Variants in CBFA2T3 observed in about 807,000 individuals in gnomAD.
The protein encoded by CBFA2T3 is CBFA2/RUNX1 partner transcriptional co-repressor 3.
A neutral mutation model predicts 58.6 loss-of-function variants in CBFA2T3; 31 were observed. The observed-to-expected ratio is 0.53, with a 90% CI of 0.40 to 0.71. The LOEUF is 0.71. CBFA2T3 is among the 30% of genes least tolerant of loss of function. The pLI is 0.00. For missense variants in CBFA2T3, 1,076 were observed against 963.1 expected, an observed-to-expected ratio of 1.12 and a Z score of -1.55; for synonymous variants, 531 against 421.9, an observed-to-expected ratio of 1.26 and a Z score of -3.17.
chr16:88,916,340 G>A (rs761233054), intron 1 of CBFA2T3, among the ~76,000 whole-genome samples: 2 of 152,022 alleles, frequency 1.3e-5, no homozygotes, highest in African/African-American at 2.4e-5. Flanking sequence ...TCATGTGTGT[G>A]CATGGGTGTG....
At chr16:88,879,124 G>A (rs1309860221) in intron 11 of CBFA2T3, 146 bp downstream of exon 11, 8 of 677,036 alleles carry the variant, frequency 1.2e-5, no homozygotes, top group African/African-American at 1.8e-5. Context: ...AAAGCACAGT[G>A]TGGGCGGGGA....
At chr16:88,896,322 G>T (rs55776646) in intron 3 of CBFA2T3, among the ~76,000 whole-genome samples, 1 of 152,188 alleles carries the variant, frequency 6.6e-6, no homozygotes, top group African/African-American at 2.4e-5. Flanking sequence ...ACCTGCACAG[G>T]GGGTAGCCTG....
intron 1 of CBFA2T3, among the ~76,000 whole-genome samples, chr16:88,902,173 A>G (rs1398596001): frequency 6.6e-6 from 1 of 152,130 alleles, no homozygotes; most frequent in East Asian, 1.9e-4. Flanking sequence ...TTCCACTTTC[A>G]GATGCTAGAA....
chr16:88,973,708 G>A (rs927203770), intron 1 of CBFA2T3, among the ~76,000 whole-genome samples: 4 of 152,194 alleles, frequency 2.6e-5, no homozygotes, highest in Non-Finnish European at 4.4e-5. Context: ...GGGGATGGAG[G>A]ATGGAGAGTG....
intron 10 of CBFA2T3, chr16:88,879,676 T>TG: frequency 1.9e-6 from 1 of 531,786 alleles, no homozygotes; most frequent in Non-Finnish European, 3.4e-6. Context: ...CCCTCATGCC[T>TG]GTGCAGACAA....
chr16:88,976,083 T>C (rs190940704), intron 1 of CBFA2T3, among the ~76,000 whole-genome samples: 1 of 152,328 alleles, frequency 6.6e-6, no homozygotes, highest in Non-Finnish European at 1.5e-5. Flanking sequence ...CCTGCTGGAC[T>C]GGACCCCTCC....
At chr16:88,954,409 C>G (rs5028129) in intron 1 of CBFA2T3, among the ~76,000 whole-genome samples, 1,948 of 80,652 alleles carry the variant, frequency 0.024, 15 homozygotes, top group Middle Eastern at 0.12. Context: ...ACCCAAGACT[C>G]CTGACCCCAC....
intron 1 of CBFA2T3, among the ~76,000 whole-genome samples, chr16:88,948,142 C>A (rs1228785384): frequency 6.6e-6 from 1 of 152,222 alleles, no homozygotes; most frequent in East Asian, 1.9e-4. Context: ...TCCTAACCAT[C>A]TCACTGTGAC....
At position 88,881,487 on chromosome 16, in the gene CBFA2T3, G is replaced by C. The variant is rs1969078201; in HGVS notation, c.1206C>G (p.Leu402=). 6.2e-7 allele frequency: 1 copy of C among 1,600,672 alleles called. No individual in the cohort carries two copies. The highest frequency in any genetic ancestry group is 8.5e-7 in the Non-Finnish European group (1 of 1,171,420). Residue 402 remains leucine, a splice_region_variant and synonymous_variant, in exon 9 of 12, where the codon CTC becomes CTG. Coordinates refer to ENST00000268679, the MANE Select transcript of CBFA2T3 (RefSeq NM_005187.6). Reference sequence around the variant, plus strand: ...CCACCATGTCCATGATGCAGTTCAGGAGCTGGGGGCGGGCGGCGCAGCCTT... The same window carrying C: ...CCACCATGTCCATGATGCAGTTCAGCAGCTGGGGGCGGGCGGCGCAGCCTT... ...WAEEWKHLNN[L]LNCIMDMVEK... is the part of the protein sequence containing the mutation.
At chr16:88,942,449 T>G (rs993795801) in intron 1 of CBFA2T3, among the ~76,000 whole-genome samples, 2 of 152,238 alleles carry the variant, frequency 1.3e-5, no homozygotes, top group East Asian at 3.9e-4. Flanking sequence ...CAATCCCCAA[T>G]ATAAAAATAT....
chr16:88,914,059 T>C (rs1970610790), intron 1 of CBFA2T3, among the ~76,000 whole-genome samples: 2 of 152,120 alleles, frequency 1.3e-5, no homozygotes. Context: ...AGCACGGCCA[T>C]ACAATGGAAT....
At chr16:88,927,706 T>A (rs1300434930) in intron 1 of CBFA2T3, among the ~76,000 whole-genome samples, 1 of 152,130 alleles carries the variant, frequency 6.6e-6, no homozygotes, top group African/African-American at 2.4e-5. Flanking sequence ...ATGATCCCCC[T>A]TCCGCCTCCT....
chr16:88,948,475 C>T (rs947452451), intron 1 of CBFA2T3, among the ~76,000 whole-genome samples: 1 of 152,192 alleles, frequency 6.6e-6, no homozygotes, highest in Admixed American at 6.5e-5. Context: ...CTGGTGTGGG[C>T]ACCAGATGAC....
chr16:88,945,208 A>G (rs1567627232), intron 1 of CBFA2T3, among the ~76,000 whole-genome samples: 1 of 152,220 alleles, frequency 6.6e-6, no homozygotes, highest in Non-Finnish European at 1.5e-5. Context: ...ATATCTGAAT[A>G]AACTCGTCTT....
At chr16:88,934,108 C>A (rs1411903939) in intron 1 of CBFA2T3, among the ~76,000 whole-genome samples, 1 of 152,272 alleles carries the variant, frequency 6.6e-6, no homozygotes, top group Non-Finnish European at 1.5e-5. Context: ...ATGATCCACG[C>A]CCCTTCCCTG....
intron 3 of CBFA2T3, among the ~76,000 whole-genome samples, chr16:88,893,564 C>T (rs576506708): frequency 1.3e-5 from 2 of 152,178 alleles, no homozygotes; most frequent in South Asian, 2.1e-4. Flanking sequence ...GGGTTCCTGC[C>T]CCTGGCGGCT....
intron 1 of CBFA2T3, among the ~76,000 whole-genome samples, chr16:88,913,113 G>A (rs1490398855): frequency 2.6e-5 from 4 of 152,258 alleles, no homozygotes; most frequent in African/African-American, 7.2e-5. Context: ...TGGGCTGGCC[G>A]GGGGACTTGC....
rs184519291 is a variant in CBFA2T3, at chr16:88,956,357, C to T, written c.151+20300G>A. Among the ~76,000 whole-genome samples, 568 of 152,394 alleles carry T rather than the reference C, an allele frequency of 3.7e-3. 4 individuals carry two copies. The highest frequency in any genetic ancestry group is 0.013 in the African/African-American group (546 of 41,604). The stretch of plus-strand genomic sequence containing the variant: ...GACCTTCACCCACCCGCCGGGTCCC[C>T]GGGACACAGCGTGTCCGCCTGCTCT... On this transcript the variant is annotated intron_variant, in intron 1 of 11. Coordinates refer to ENST00000268679, the MANE Select transcript of CBFA2T3 (RefSeq NM_005187.6).
At chr16:88,892,704 C>T (rs116721013) in intron 3 of CBFA2T3, among the ~76,000 whole-genome samples, 1,612 of 152,308 alleles carry the variant, frequency 0.011, 30 homozygotes, top group African/African-American at 0.036. Flanking sequence ...TCTGTCCTTC[C>T]GGCCCTGCTC....
Sources: gnomAD v4.1 joint callset for allele counts (sites outside exome capture counted in the v4.1 genomes callset) on GRCh38, gnomAD v4.1.1 for gene constraint, MANE v1.5 for transcripts, NCBI Gene and HGNC (gene_info 2026-07-23, HGNC 2026-07-21) for gene names.